Variants in NTM observed in about 807,000 individuals in gnomAD.
NTM encodes the protein IgLON family member 2.
A neutral mutation model predicts 42.1 loss-of-function variants in NTM; 13 were observed. The ratio of observed to expected loss-of-function variants is 0.31; its 90% CI spans 0.20 to 0.49. NTM has a LOEUF of 0.49. NTM is among the 20% of genes least tolerant of loss of function. The pLI is 0.99. For synonymous variants in NTM, 187 were observed against 179.2 expected, an observed-to-expected ratio of 1.04 and a Z score of -0.35; for missense variants, 373 against 452.8, an observed-to-expected ratio of 0.82 and a Z score of 1.60.
chr11:131,642,620 C>T (rs185974734), intron 1 of NTM, among the ~76,000 whole-genome samples: 4 of 152,206 alleles, frequency 2.6e-5, no homozygotes, highest in Admixed American at 6.5e-5. Context: ...TTCCCTGATG[C>T]CTGTCCAGAC....
chr11:131,984,191 A>T (rs984281870), intron 2 of NTM, among the ~76,000 whole-genome samples: 1 of 152,198 alleles, frequency 6.6e-6, no homozygotes, highest in South Asian at 2.1e-4. Context: ...CAATTACTGC[A>T]TTCAGCTCAA....
chr11:131,681,401 G>A (rs1361554681), intron 1 of NTM, among the ~76,000 whole-genome samples: 2 of 19,964 alleles, frequency 1.0e-4, no homozygotes, highest in East Asian at 2.6e-3. Context: ...CTGTGTGTAT[G>A]TCTCCCTGTG....
At chr11:131,510,814 C>T (rs2048134335) in intron 1 of NTM, among the ~76,000 whole-genome samples, 1 of 152,134 alleles carries the variant, frequency 6.6e-6, no homozygotes, top group Non-Finnish European at 1.5e-5. Flanking sequence ...TGTGGGGGTG[C>T]TGGTGCAGAG....
At chr11:131,806,152 T>C (rs1277021533) in intron 1 of NTM, among the ~76,000 whole-genome samples, 1 of 152,102 alleles carries the variant, frequency 6.6e-6, no homozygotes, top group African/African-American at 2.4e-5. Flanking sequence ...GTAAATTAGA[T>C]TACCTGCTAA....
intron 1 of NTM, among the ~76,000 whole-genome samples, chr11:131,784,407 TTGAGTAA>T (rs778591501): frequency 6.9e-6 from 1 of 145,482 alleles, no homozygotes; most frequent in African/African-American, 2.5e-5. Flanking sequence ...TGAAATTCTA[TTGAGTAA>T]TGAGTAATGA....
intron 1 of NTM, among the ~76,000 whole-genome samples, chr11:131,633,619 CCCTCTCTCTA>C (rs2063908390): frequency 1.9e-5 from 1 of 51,718 alleles, no homozygotes; most frequent in Non-Finnish European, 4.9e-5. Context: ...CTCACTCTCT[CCCTCTCTCTA>C]TCTCTGCCTC....
chr11:131,976,167 C>T (rs796495408), intron 2 of NTM, among the ~76,000 whole-genome samples: 3 of 97,984 alleles, frequency 3.1e-5, no homozygotes, highest in South Asian at 7.8e-4. Flanking sequence ...TTTCTTCCTT[C>T]CTTCCTTTCT....
intron 1 of NTM, among the ~76,000 whole-genome samples, chr11:131,869,898 G>A (rs1011383166): frequency 6.6e-6 from 1 of 152,124 alleles, no homozygotes; most frequent in Admixed American, 6.5e-5. Flanking sequence ...CTTCACTGTT[G>A]GTACAGCTTT....
chr11:131,721,976 A>G (rs2695828), intron 1 of NTM, among the ~76,000 whole-genome samples: 20,605 of 136,682 alleles, frequency 0.15, 1,655 homozygotes, highest in Middle Eastern at 0.18. Context: ...TCCAGCCAGG[A>G]CAAGAGTGAA....
intron 1 of NTM, among the ~76,000 whole-genome samples, chr11:131,834,021 A>T (rs911926255): frequency 6.6e-6 from 1 of 152,174 alleles, no homozygotes; most frequent in Admixed American, 6.5e-5. Context: ...GCCTCATGGC[A>T]TGAGGATGAG....
chr11:132,210,222 A>G (rs2082625911), intron 3 of NTM, among the ~76,000 whole-genome samples: 1 of 152,202 alleles, frequency 6.6e-6, no homozygotes, highest in South Asian at 2.1e-4. Flanking sequence ...TAGTTATTCA[A>G]GGAAAGAATA....
At chr11:131,498,566 A>G (rs1336517549) in intron 1 of NTM, among the ~76,000 whole-genome samples, 1 of 152,046 alleles carries the variant, frequency 6.6e-6, no homozygotes, top group Non-Finnish European at 1.5e-5. Flanking sequence ...ACATACACAG[A>G]GCAAGTTATT....
chr11:131,485,877 T>C (rs1312294965), intron 1 of NTM, among the ~76,000 whole-genome samples: 1 of 152,106 alleles, frequency 6.6e-6, no homozygotes, highest in East Asian at 1.9e-4. Context: ...AGGATATTGG[T>C]CTTCATTTCT....
intron 1 of NTM, among the ~76,000 whole-genome samples, chr11:131,553,169 G>T (rs931126110): frequency 1.2e-4 from 18 of 152,054 alleles, no homozygotes; most frequent in African/African-American, 4.3e-4. Flanking sequence ...ATGGGGAAGG[G>T]GCAGGAGAGG....
chr11:131,669,584 C>A (rs1290638028), intron 1 of NTM, among the ~76,000 whole-genome samples: 1 of 152,090 alleles, frequency 6.6e-6, no homozygotes, highest in African/African-American at 2.4e-5. Context: ...GGGGGGAGGG[C>A]AACGTCACTC....
intron 2 of NTM, among the ~76,000 whole-genome samples, chr11:132,142,004 A>G (rs1270987852): frequency 6.6e-6 from 1 of 152,148 alleles, no homozygotes; most frequent in Non-Finnish European, 1.5e-5. Context: ...AGGGAGCTGG[A>G]GTTGCAGGGC....
chr11:131,374,831 C>T (rs1032264466), intron 1 of NTM, among the ~76,000 whole-genome samples: 1 of 152,178 alleles, frequency 6.6e-6, no homozygotes, highest in Non-Finnish European at 1.5e-5. Context: ...CTGACGTGTA[C>T]AGAAAACACA....
chr11:131,716,576 G>A (rs1165807988), intron 1 of NTM, among the ~76,000 whole-genome samples: 1 of 151,304 alleles, frequency 6.6e-6, no homozygotes, highest in Non-Finnish European at 1.5e-5. Context: ...TTATCTCACT[G>A]TGGTTTTAAT....
chr11:132,320,834 C>T (rs537180112), intron 7 of NTM, among the ~76,000 whole-genome samples: 132 of 151,426 alleles, frequency 8.7e-4, no homozygotes, highest in Middle Eastern at 3.5e-3. Context: ...GATCTGAGAA[C>T]GGGCAGACTG....
Sources: allele counts gnomAD v4.1 joint callset (sites outside exome capture counted in the v4.1 genomes callset), GRCh38; gene constraint gnomAD v4.1.1; transcripts MANE v1.5; gene names NCBI Gene and HGNC (gene_info 2026-07-23, HGNC 2026-07-21).